Variants in ADA observed in about 807,000 individuals in gnomAD.
The protein encoded by ADA is adenosine aminohydrolase.
In ADA, 45 loss-of-function variants were observed where a neutral mutation model predicts 49.0. That is an observed-to-expected ratio of 0.92 (90% CI 0.72 to 1.18). The LOEUF is 1.18. ADA is among the 50% of genes most tolerant of loss of function. ADA has a pLI of 0.00. For missense variants in ADA, 445 were observed against 472.5 expected (o/e 0.94, Z 0.54); for synonymous variants, 173 against 184.2 (o/e 0.94, Z 0.49).
At chr20:44,636,779 A>C (rs1213914618) in intron 1 of ADA, among the ~76,000 whole-genome samples, 1 of 152,140 alleles carries the variant, frequency 6.6e-6, no homozygotes, top group Non-Finnish European at 1.5e-5. Context: ...GAGTCACAGC[A>C]TATTTCAAAA....
At chr20:44,638,825 A>G (rs577392637) in intron 1 of ADA, among the ~76,000 whole-genome samples, 101 of 152,340 alleles carry the variant, frequency 6.6e-4, no homozygotes, top group Non-Finnish European at 1.0e-3. Context: ...ATACATCTAG[A>G]GGGCCAACAA....
intron 3 of ADA, among the ~76,000 whole-genome samples, chr20:44,627,707 G>A (rs1205362391): frequency 6.6e-6 from 1 of 152,180 alleles, no homozygotes; most frequent in Non-Finnish European, 1.5e-5. Context: ...ATATTTGTTG[G>A]TGATGGAGTT....
At chr20:44,621,462 C>T (rs1192694336) in intron 9 of ADA, among the ~76,000 whole-genome samples, 2 of 152,122 alleles carry the variant, frequency 1.3e-5, no homozygotes, top group African/African-American at 4.8e-5. Context: ...CAACATCCCC[C>T]TCCGGCTGCC....
chr20:44,651,502 G>C, intron 1 of ADA, 73 bp downstream of exon 1: 3 of 1,438,730 alleles, frequency 2.1e-6, no homozygotes, highest in Non-Finnish European at 2.8e-6. Flanking sequence ...GACGCCCCGG[G>C]CTGGGCCCCG....
intron 1 of ADA, among the ~76,000 whole-genome samples, chr20:44,639,500 C>G (rs1047082661): frequency 2.0e-5 from 3 of 152,092 alleles, no homozygotes; most frequent in African/African-American, 7.2e-5. Flanking sequence ...GAAACCTCCA[C>G]CTCCCGGGTT....
chr20:44,628,564 G>T (rs1912247573), intron 3 of ADA, among the ~76,000 whole-genome samples: 1 of 149,634 alleles, frequency 6.7e-6, no homozygotes, highest in Admixed American at 6.6e-5. Context: ...AATAAATAAA[G>T]CAGTCATGGA....
intron 1 of ADA, among the ~76,000 whole-genome samples, chr20:44,642,069 G>A (rs377494153): frequency 4.6e-5 from 7 of 152,226 alleles, no homozygotes; most frequent in Middle Eastern, 3.4e-3. Context: ...TACCCTGCCT[G>A]GCAAAAGTAT....
At chr20:44,624,395 C>T in intron 5 of ADA, 66 bp from the exon 6 acceptor site, 2 of 1,605,712 alleles carry the variant, frequency 1.2e-6, no homozygotes, top group Non-Finnish European at 1.7e-6. Flanking sequence ...AGCCTACCTG[C>T]CTGCTGTCCC....
intron 2 of ADA, chr20:44,635,964 G>T: frequency 1.9e-6 from 1 of 527,674 alleles, no homozygotes; most frequent in Non-Finnish European, 3.4e-6. Context: ...GGGTGGGTGG[G>T]GAGAGCAGGC....
chr20:44,635,301 A>T (rs1038483626), intron 2 of ADA, among the ~76,000 whole-genome samples: 4 of 152,226 alleles, frequency 2.6e-5, no homozygotes, highest in African/African-American at 9.6e-5. Flanking sequence ...TTAGGCCCAG[A>T]GTTGGGGAGC....
chr20:44,634,617 T>C (rs2065462973), intron 2 of ADA, among the ~76,000 whole-genome samples: 1 of 152,200 alleles, frequency 6.6e-6, no homozygotes, highest in African/African-American at 2.4e-5. Flanking sequence ...TAAAGGAGTG[T>C]TTGGCACACA....
intron 2 of ADA, among the ~76,000 whole-genome samples, chr20:44,630,498 A>C (rs1362596316): frequency 7.2e-5 from 11 of 152,228 alleles, no homozygotes; most frequent in African/African-American, 2.4e-4. Flanking sequence ...AGATGAGAAG[A>C]TCCTTGAAAG....
chr20:44,619,797 T>C lies in ADA; in HGVS notation c.*37A>G. ...GTTGCTCAGCCCCACAGAGTTGGGG[T>C]GACTCCACAGGGTGAAGGCTTGGAG... is the stretch of plus-strand genomic sequence containing the variant. On this transcript the variant is annotated 3_prime_UTR_variant, in exon 12 of 12. Transcript: ENST00000372874. 1 of 1,613,970 alleles carries C rather than the reference T, an allele frequency of 6.2e-7. No homozygotes were observed. Among genetic ancestry groups the C allele is most frequent in the Non-Finnish European group, 8.5e-7 (1 of 1,179,866 alleles).
At chr20:44,635,945 C>T in intron 2 of ADA, 3 of 483,036 alleles carry the variant, frequency 6.2e-6, no homozygotes, top group South Asian at 2.4e-5. Flanking sequence ...TACCTTCATG[C>T]ACGTATGTGG....
At chr20:44,627,095 C>T (rs1405138022) in intron 3 of ADA, among the ~76,000 whole-genome samples, 1 of 151,996 alleles carries the variant, frequency 6.6e-6, no homozygotes, top group Non-Finnish European at 1.5e-5. Context: ...TTCCCCGATA[C>T]TGTCCTACAC....
At chr20:44,644,335 G>A (rs2065568363) in intron 1 of ADA, among the ~76,000 whole-genome samples, 2 of 151,980 alleles carry the variant, frequency 1.3e-5, no homozygotes, top group South Asian at 2.1e-4. Context: ...TCAGCACCTC[G>A]CACAGCACCT....
intron 6 of ADA, 124 bp downstream of exon 6, chr20:44,624,078 A>C: frequency 7.1e-7 from 1 of 1,405,188 alleles, no homozygotes; most frequent in South Asian, 1.2e-5. Flanking sequence ...CTTAAGACCC[A>C]ACAAAGACAC....
intron 6 of ADA, 111 bp from the exon 7 acceptor site, chr20:44,623,189 C>T (rs1256887370): frequency 1.3e-6 from 2 of 1,504,846 alleles, no homozygotes; most frequent in Non-Finnish European, 1.8e-6. Context: ...CCTGCTTCAA[C>T]AGCATGGGGA....
chr20:44,639,212 G>A (rs2065508822), intron 1 of ADA, among the ~76,000 whole-genome samples: 1 of 152,114 alleles, frequency 6.6e-6, no homozygotes, highest in Non-Finnish European at 1.5e-5. Context: ...GTTGTGAGGT[G>A]CATAGAGGAA....
Sources: allele counts gnomAD v4.1 joint callset (sites outside exome capture counted in the v4.1 genomes callset), GRCh38; gene constraint gnomAD v4.1.1; transcripts MANE v1.5; gene names NCBI Gene and HGNC (gene_info 2026-07-23, HGNC 2026-07-21).